HSF2BP: variants seen among roughly 807,000 people sequenced by gnomAD.
HSF2BP encodes the protein heat shock transcription factor 2 binding protein.
In HSF2BP, 35 loss-of-function variants were observed where a neutral mutation model predicts 35.0. That is an observed-to-expected ratio of 1.00 (90% CI 0.76 to 1.32). The LOEUF (loss-of-function observed/expected upper bound fraction) is 1.32. Ranked by LOEUF, HSF2BP falls within the 40% of genes most tolerant of loss-of-function variation. HSF2BP has a pLI of 0.00. For missense variants in HSF2BP, 326 were observed against 321.7 expected (o/e 1.01, Z -0.10); for synonymous variants, 114 against 117.4 (o/e 0.97, Z 0.18).
chr21:43,606,313 G>C (rs917098471), intron 7 of HSF2BP, among the ~76,000 whole-genome samples: 22 of 152,224 alleles, frequency 1.4e-4, no homozygotes, highest in Admixed American at 7.2e-4. Flanking sequence ...CCAGCTGTAG[G>C]AACAGAGAAG....
At chr21:43,614,712 G>A (rs2082250041) in intron 6 of HSF2BP, among the ~76,000 whole-genome samples, 1 of 152,186 alleles carries the variant, frequency 6.6e-6, no homozygotes. Flanking sequence ...CAAAGGTCAT[G>A]CTCACAGAGC....
chr21:43,467,615 G>C, the HSF2BP span, among the ~76,000 whole-genome samples: 1 of 151,230 alleles, frequency 6.6e-6, no homozygotes, highest in Non-Finnish European at 1.5e-5. Flanking sequence ...CCAGAAGCTA[G>C]AGAGTAAATG....
chr21:43,606,560 T>A (rs17004588), intron 7 of HSF2BP, among the ~76,000 whole-genome samples: 4,510 of 152,226 alleles, frequency 0.03, 242 homozygotes, highest in African/African-American at 0.1. Context: ...GTCCACCTGA[T>A]GACAATGTGC....
Position 43,592,238 on chromosome 21 carries a change from C to A in HSF2BP, c.783G>T (p.Trp261Cys). 1.2e-6 allele frequency: 2 copies of A among 1,612,972 alleles called. No individual in the cohort carries two copies. The highest frequency in any genetic ancestry group is 1.7e-6 in the Non-Finnish European group (2 of 1,179,024). Reference protein sequence around the residue: ...SESPGFIPLLWWLLSDPDAEV... With the variant: ...SESPGFIPLLCWLLSDPDAEV... ...CACCCCCCTTACCACTCAAAAGCCA[C>A]CACAGCAAAGGGATGAATCCTGGAC... is the stretch of plus-strand genomic sequence containing the variant. Residue 261 changes from tryptophan to cysteine, a missense_variant, in exon 8 of 9, where the codon TGG becomes TGT. By Grantham distance (215) the Trp-to-Cys change is radical. Coordinates refer to ENST00000291560, the MANE Select transcript of HSF2BP (RefSeq NM_007031.2).
the HSF2BP span, among the ~76,000 whole-genome samples, chr21:43,467,894 AC>A: frequency 4.0e-5 from 4 of 98,998 alleles, no homozygotes; most frequent in Non-Finnish European, 6.3e-5. Context: ...CACACCACAC[AC>A]CACACACACG....
intron 3 of HSF2BP, among the ~76,000 whole-genome samples, chr21:43,648,866 G>T (rs1210919670): frequency 2.0e-5 from 3 of 152,060 alleles, no homozygotes; most frequent in African/African-American, 7.2e-5. Context: ...GAGTACCTGG[G>T]GAACAACTAC....
At chr21:43,614,847 A>G (rs2082251604) in intron 6 of HSF2BP, among the ~76,000 whole-genome samples, 1 of 152,230 alleles carries the variant, frequency 6.6e-6, no homozygotes, top group South Asian at 2.1e-4. Flanking sequence ...ATATTTGCTA[A>G]TAACTTTTAG....
At chr21:43,611,858 C>T (rs1168990527) in intron 7 of HSF2BP, among the ~76,000 whole-genome samples, 1 of 152,176 alleles carries the variant, frequency 6.6e-6, no homozygotes, top group East Asian at 1.9e-4. Flanking sequence ...AAAAGGCAGT[C>T]CCAGGTAACT....
intron 4 of HSF2BP, among the ~76,000 whole-genome samples, chr21:43,635,955 A>C (rs978806204): frequency 1.3e-5 from 2 of 148,318 alleles, no homozygotes; most frequent in African/African-American, 2.5e-5. Flanking sequence ...AAACAGAATC[A>C]TAGGCCAGGC....
chr21:43,648,272 C>A (rs2082736104), intron 3 of HSF2BP, among the ~76,000 whole-genome samples: 1 of 152,180 alleles, frequency 6.6e-6, no homozygotes. Flanking sequence ...CTGTTGGATG[C>A]AATAGCAGCC....
At chr21:43,628,204 G>A (rs2082412463) in intron 6 of HSF2BP, among the ~76,000 whole-genome samples, 1 of 152,216 alleles carries the variant, frequency 6.6e-6, no homozygotes, top group Non-Finnish European at 1.5e-5. Context: ...ATTAAGCTTA[G>A]TGAAGGCATG....
chr21:43,595,725 A>T (rs1256222544), intron 7 of HSF2BP, among the ~76,000 whole-genome samples: 1 of 62,252 alleles, frequency 1.6e-5, no homozygotes, highest in Non-Finnish European at 3.5e-5. Flanking sequence ...TTAAGAGGCT[A>T]ATTTTTTTTT....
chr21:43,613,808 T>C, intron 7 of HSF2BP, 22 bp downstream of exon 7: 1 of 1,497,912 alleles, frequency 6.7e-7, no homozygotes, highest in Non-Finnish European at 9.3e-7. Flanking sequence ...TAGAATTAAC[T>C]TTTTAACATT....
intron 5 of HSF2BP, among the ~76,000 whole-genome samples, chr21:43,632,364 C>CCA: frequency 1.2e-5 from 1 of 81,056 alleles, no homozygotes; most frequent in East Asian, 4.8e-4. Context: ...ACACACGCTC[C>CCA]CACACACACA....
At chr21:43,637,250 T>C (rs560852961) in intron 4 of HSF2BP, among the ~76,000 whole-genome samples, 1 of 152,324 alleles carries the variant, frequency 6.6e-6, no homozygotes, top group East Asian at 1.9e-4. Context: ...GAATAAATGA[T>C]GTATGCTATA....
At chr21:43,591,860 T>G (rs1222121250) in intron 8 of HSF2BP, among the ~76,000 whole-genome samples, 1 of 152,254 alleles carries the variant, frequency 6.6e-6, no homozygotes, top group South Asian at 2.1e-4. Flanking sequence ...GCATATGCTA[T>G]GCGCCCTTTA....
rs2082926392 is a variant in HSF2BP at position 43,659,085 on chromosome 21, C to T, written c.-225+301G>A. 6.6e-6 allele frequency among the ~76,000 whole-genome samples: 1 copy of T among 152,130 alleles called. No homozygotes were observed. The highest frequency in any genetic ancestry group is 2.4e-5 in the African/African-American group (1 of 41,450). ...GGCCGCCGCGGGAGGATTGCTTGAG[C>T]CCAGGAGTTTGAGACCAGCTTGGGC... On this transcript the variant is annotated intron_variant, in intron 1 of 8. Transcript: ENST00000291560. This position sits in a 1 kb window ranked among gnomAD's most constrained non-coding sequence, Gnocchi z 4.2.
intron 3 of HSF2BP, among the ~76,000 whole-genome samples, chr21:43,650,761 G>A (rs1206942035): frequency 7.3e-6 from 1 of 136,672 alleles, no homozygotes; most frequent in African/African-American, 2.8e-5. Context: ...AGTTTGGAGT[G>A]CAGTGGCATG....
chr21:43,455,190 T>C, the HSF2BP span, among the ~76,000 whole-genome samples: 2 of 55,460 alleles, frequency 3.6e-5, 1 homozygote, highest in Non-Finnish European at 7.0e-5. Flanking sequence ...TGAGCTGAGA[T>C]GGCAAAGGCT....
Sources: gnomAD v4.1 joint callset for allele counts (sites outside exome capture counted in the v4.1 genomes callset) on GRCh38, gnomAD v4.1.1 for gene constraint, Gnocchi (gnomAD v3.1) non-coding constraint, MANE v1.5 for transcripts, NCBI Gene and HGNC (gene_info 2026-07-23, HGNC 2026-07-21) for gene names.